The following SNX14 variants were observed in gnomAD, a reference collection of about 807,000 sequenced individuals.
SNX14 encodes the protein sorting nexin 14.
Under a neutral mutation model 133.8 loss-of-function variants are expected in SNX14, and 93 were observed. The ratio of observed to expected loss-of-function variants is 0.70; its 90% confidence interval spans 0.59 to 0.83. SNX14 has a LOEUF of 0.83. Among genes scored for constraint, SNX14 ranks in the 40% least tolerant of loss-of-function variants. The pLI is 0.00. For synonymous variants in SNX14, 368 were observed against 365.6 expected, an observed-to-expected ratio of 1.01 and a Z score of -0.07; for missense variants, 945 against 1,094.9, an observed-to-expected ratio of 0.86 and a Z score of 1.93.
chr6:85,512,665 G>C (rs911512438), intron 26 of SNX14, among the ~76,000 whole-genome samples: 2 of 151,758 alleles, frequency 1.3e-5, no homozygotes, highest in African/African-American at 4.8e-5. Flanking sequence ...CCCATGACTT[G>C]GTTCCCCTGG....
Position 85,533,804 on chromosome 6 carries a change from GA to G in SNX14, c.1609-5del, listed in dbSNP as rs758647589. ...TTACAACAATACCTTCTTCAATCTG[GA>G]AAAAAATTACCAGGATGAATTTAAT... On this transcript the variant is annotated splice_polypyrimidine_tract_variant and splice_region_variant and intron_variant, in intron 17 of 28. Transcript: ENST00000314673. 3 of 1,606,330 alleles carry G rather than the reference GA, an allele frequency of 1.9e-6. No individual in the cohort carries two copies. Among genetic ancestry groups the G allele is most frequent in the African/African-American group, 1.3e-5 (1 of 74,356 alleles).
At position 85,511,984 on chromosome 6, in the gene SNX14, T is replaced by G. The variant is rs143717977; in HGVS notation, c.2653+1816A>C. Reference sequence around the variant, plus strand: ...TAGTCCTAGGAGGGGGTCTCAATCTTTTAGTGAGCTTGTACCACTGAACTG... The same window carrying G: ...TAGTCCTAGGAGGGGGTCTCAATCTGTTAGTGAGCTTGTACCACTGAACTG... On this transcript the variant is annotated intron_variant, in intron 26 of 28. Coordinates refer to ENST00000314673, the MANE Select transcript of SNX14 (RefSeq NM_153816.6). Among the ~76,000 whole-genome samples the G allele has an allele frequency of 1.9e-3, 289 of 152,288 alleles. 1 individual carries two copies. Among genetic ancestry groups the G allele is most frequent in the African/African-American group, 6.7e-3 (280 of 41,560 alleles).
At chr6:85,517,711 A>C in intron 23 of SNX14, 45 bp downstream of exon 23, 5 of 1,538,796 alleles carry the variant, frequency 3.2e-6, no homozygotes, top group Non-Finnish European at 4.3e-6. Context: ...AATCTCAAGT[A>C]GGGCAACTTA....
chr6:85,571,156 C>T (rs1236794926), intron 4 of SNX14, among the ~76,000 whole-genome samples: 1 of 151,810 alleles, frequency 6.6e-6, no homozygotes, highest in Non-Finnish European at 1.5e-5. Context: ...ATCAAGACCA[C>T]GTCCTGGCTA....
chr6:85,511,146 A>T (rs188709452), intron 26 of SNX14, among the ~76,000 whole-genome samples: 8 of 152,188 alleles, frequency 5.3e-5, no homozygotes, highest in Admixed American at 5.2e-4. Context: ...TTGTTAGATT[A>T]CTACCCAAGT....
intron 21 of SNX14, among the ~76,000 whole-genome samples, chr6:85,523,084 T>C (rs558838489): frequency 1.3e-4 from 20 of 152,270 alleles, no homozygotes; most frequent in African/African-American, 4.8e-4. Context: ...AACAAAGGCA[T>C]TGGAGCAAAA....
intron 1 of SNX14, among the ~76,000 whole-genome samples, chr6:85,575,609 T>C (rs1562385186): frequency 6.6e-6 from 1 of 152,206 alleles, no homozygotes; most frequent in Non-Finnish European, 1.5e-5. Context: ...ATGCAAGAAG[T>C]AAAATTCAAA....
chr6:85,507,053 C>T (rs1770959256), intron 28 of SNX14, among the ~76,000 whole-genome samples, 180 bp downstream of exon 28: 1 of 151,820 alleles, frequency 6.6e-6, no homozygotes, highest in Non-Finnish European at 1.5e-5. Context: ...AATAGCTGTC[C>T]CCCAGAATTG....
intron 21 of SNX14, among the ~76,000 whole-genome samples, chr6:85,522,219 C>T (rs915173927): frequency 2.6e-5 from 4 of 152,204 alleles, no homozygotes; most frequent in Non-Finnish European, 4.4e-5. Flanking sequence ...GCCATGCTCA[C>T]AAATCAAGTG....
chr6:85,518,171 T>C (rs1052895807), intron 21 of SNX14, 123 bp from the exon 22 acceptor site: 22 of 738,148 alleles, frequency 3.0e-5, no homozygotes, highest in Non-Finnish European at 4.3e-5. Flanking sequence ...AAAGTATTTA[T>C]GATTGACCAT....
At chr6:85,526,434 G>T (rs1426394768) in intron 20 of SNX14, among the ~76,000 whole-genome samples, 197 bp from the exon 21 acceptor site, 2 of 152,154 alleles carry the variant, frequency 1.3e-5, no homozygotes, top group Admixed American at 6.6e-5. Context: ...ATATGAATGG[G>T]TTCGAATCCT....
intron 5 of SNX14, among the ~76,000 whole-genome samples, chr6:85,567,042 A>C (rs1252997769): frequency 6.6e-6 from 1 of 152,206 alleles, no homozygotes; most frequent in East Asian, 1.9e-4. Flanking sequence ...CAATTTAATG[A>C]AATATGTGAA....
chr6:85,588,369 C>T (rs376129726), intron 1 of SNX14, among the ~76,000 whole-genome samples: 8 of 151,936 alleles, frequency 5.3e-5, no homozygotes, highest in East Asian at 1.9e-4. Flanking sequence ...GTCAGGAGAC[C>T]GAGACCATCC....
At chr6:85,549,271 T>C (rs1786919652) in intron 8 of SNX14, among the ~76,000 whole-genome samples, 1 of 152,056 alleles carries the variant, frequency 6.6e-6, no homozygotes, top group Non-Finnish European at 1.5e-5. Context: ...TGGAATAATC[T>C]AAACATGCTC....
chr6:85,513,869 G>T lies in SNX14; in HGVS notation c.2584C>A (p.Pro862Thr), dbSNP rs770749195. The change falls in exon 26 of 29, where the codon CCT becomes ACT. Residue 862 changes from proline to threonine, a missense_variant. By Grantham distance (38) the Pro-to-Thr change is conservative. Coordinates refer to ENST00000314673, the MANE Select transcript of SNX14 (RefSeq NM_153816.6). ...RDAIFCENTE[P>T]RSLQDKQKGA... ...TTTTGCTTATCTTGGAGAGAGCGAG[G>T]TTCAGTGTTTTCACAGAATATAGCA... The T allele has an allele frequency of 1.2e-6, 2 of 1,612,426 alleles. No individual in the cohort carries two copies. Among genetic ancestry groups the T allele is most frequent in the Non-Finnish European group, 1.7e-6 (2 of 1,179,612 alleles).
chr6:85,593,385 C>T (rs1015226161), intron 1 of SNX14, among the ~76,000 whole-genome samples, 194 bp downstream of exon 1: 1 of 152,248 alleles, frequency 6.6e-6, no homozygotes, highest in African/African-American at 2.4e-5. Flanking sequence ...AGGCAATCAA[C>T]CCCACCCCAC....
At chr6:85,592,549 T>C (rs1380404539) in intron 1 of SNX14, among the ~76,000 whole-genome samples, 1 of 152,220 alleles carries the variant, frequency 6.6e-6, no homozygotes. Context: ...CGCAACAATT[T>C]CTTGAAATAG....
intron 5 of SNX14, 59 bp downstream of exon 5, chr6:85,567,475 G>A: frequency 8.3e-7 from 1 of 1,208,884 alleles, no homozygotes. Flanking sequence ...TCATTAGCAT[G>A]CTTAACTTAA....
intron 26 of SNX14, among the ~76,000 whole-genome samples, chr6:85,511,884 CAAGTT>C (rs948848389): frequency 1.3e-5 from 2 of 152,136 alleles, no homozygotes; most frequent in South Asian, 2.1e-4. Context: ...ACATGACACA[CAAGTT>C]AAGAGGAACT....
Sources: allele counts gnomAD v4.1 joint callset (sites outside exome capture counted in the v4.1 genomes callset), GRCh38; gene constraint gnomAD v4.1.1; transcripts MANE v1.5; gene names NCBI Gene and HGNC (gene_info 2026-07-23, HGNC 2026-07-21).